Variants in PDE8B observed in about 807,000 individuals in gnomAD.
PDE8B encodes phosphodiesterase 8B.
PDE8B carries 26 observed loss-of-function variants against 101.3 expected under a neutral mutation model. That is an observed-to-expected ratio of 0.26 (90% CI 0.19 to 0.36). PDE8B has a LOEUF of 0.36. Ranked by LOEUF, PDE8B falls within the 10% of genes least tolerant of loss-of-function variation. The pLI, the probability that PDE8B is intolerant of heterozygous loss-of-function variation, is 1.00. For missense variants in PDE8B, 810 were observed against 1,163.1 expected, an observed-to-expected ratio of 0.70 and a Z score of 4.42; for synonymous variants, 424 against 429.3, an observed-to-expected ratio of 0.99 and a Z score of 0.15.
At chr5:77,228,480 C>G (rs1752898857) in intron 1 of PDE8B, among the ~76,000 whole-genome samples, 1 of 151,974 alleles carries the variant, frequency 6.6e-6, no homozygotes, top group Non-Finnish European at 1.5e-5. Flanking sequence ...AGTGGCTTCT[C>G]CAATAATGCA....
intron 10 of PDE8B, among the ~76,000 whole-genome samples, chr5:77,391,367 C>G (rs75366131): frequency 6.6e-6 from 1 of 152,118 alleles, no homozygotes; most frequent in Admixed American, 6.5e-5. Flanking sequence ...GGGTTCCTGA[C>G]GGCAGATGCT....
chr5:77,367,633 C>T (rs1475860940), intron 10 of PDE8B, among the ~76,000 whole-genome samples: 3 of 150,102 alleles, frequency 2.0e-5, no homozygotes, highest in African/African-American at 2.5e-5. Context: ...CGGGTTCAAG[C>T]GATTCTCCTG....
intron 1 of PDE8B, among the ~76,000 whole-genome samples, chr5:77,304,102 C>A (rs1474920784): frequency 1.3e-5 from 2 of 152,110 alleles, no homozygotes; most frequent in African/African-American, 4.8e-5. Flanking sequence ...ACTAGATATC[C>A]CCAAACTGTT....
intron 13 of PDE8B, 149 bp from the exon 14 acceptor site, chr5:77,408,744 T>G (rs1213481160): frequency 1.6e-5 from 11 of 706,750 alleles, no homozygotes; most frequent in Non-Finnish European, 2.8e-5. Flanking sequence ...AAAGCATGCT[T>G]CAGGAAGAAG....
chr5:77,317,027 C>G (rs1256916260), intron 2 of PDE8B, among the ~76,000 whole-genome samples: 1 of 152,126 alleles, frequency 6.6e-6, no homozygotes, highest in South Asian at 2.1e-4. Flanking sequence ...CTCAATGATT[C>G]ATGCAATAAG....
chr5:77,335,374 A>C (rs1387916218), intron 5 of PDE8B, among the ~76,000 whole-genome samples: 1 of 152,218 alleles, frequency 6.6e-6, no homozygotes, highest in African/African-American at 2.4e-5. Flanking sequence ...AATCAAACAG[A>C]AAGTATTTCC....
At chr5:77,301,707 T>A (rs1769981378) in intron 1 of PDE8B, among the ~76,000 whole-genome samples, 1 of 152,220 alleles carries the variant, frequency 6.6e-6, no homozygotes, top group South Asian at 2.1e-4. Flanking sequence ...AATTCCTGTG[T>A]TCTCCCAGTC....
chr5:77,328,904 ATGT>A, intron 3 of PDE8B, 91 bp from the exon 4 acceptor site: 1 of 922,688 alleles, frequency 1.1e-6, no homozygotes, highest in East Asian at 2.4e-5. Flanking sequence ...GAAAGATTTG[ATGT>A]TGTATCATTT....
the PDE8B span, among the ~76,000 whole-genome samples, chr5:77,192,979 G>A: frequency 6.6e-6 from 1 of 152,072 alleles, no homozygotes; most frequent in East Asian, 1.9e-4. Context: ...TTTATTTCTT[G>A]TATTATGAAG....
At chr5:77,291,848 T>C (rs1767427755) in intron 1 of PDE8B, 13 of 1,496,794 alleles carry the variant, frequency 8.7e-6, no homozygotes, top group Non-Finnish European at 1.2e-5. Context: ...GTTCGGCAGC[T>C]GTTTTTGAAG....
chr5:77,423,503 C>T (rs1392445731), intron 20 of PDE8B, among the ~76,000 whole-genome samples: 1 of 152,128 alleles, frequency 6.6e-6, no homozygotes, highest in Non-Finnish European at 1.5e-5. Context: ...GCATTCTTTT[C>T]TCCACAACCT....
chr5:77,229,811 A>ATATAC (rs1753179222), intron 1 of PDE8B, among the ~76,000 whole-genome samples: 1 of 152,134 alleles, frequency 6.6e-6, no homozygotes, highest in Non-Finnish European at 1.5e-5. Context: ...CATTGTATGG[A>ATATAC]TATACTACAT....
At chr5:77,212,892 A>G (rs1262766984) in intron 1 of PDE8B, among the ~76,000 whole-genome samples, 1 of 152,238 alleles carries the variant, frequency 6.6e-6, no homozygotes, top group Non-Finnish European at 1.5e-5. Flanking sequence ...CTGAAGCAGT[A>G]GTTCAAAATT....
chr5:77,386,491 T>G (rs551622612), intron 10 of PDE8B, among the ~76,000 whole-genome samples: 1 of 152,364 alleles, frequency 6.6e-6, no homozygotes, highest in Admixed American at 6.5e-5. Context: ...ATTAGGATAG[T>G]TAGCTCTTCC....
chr5:77,181,444 G>A, the PDE8B span, among the ~76,000 whole-genome samples: 1 of 152,166 alleles, frequency 6.6e-6, no homozygotes, highest in African/African-American at 2.4e-5. Context: ...TGCTCCTAAG[G>A]ACTGTTGGGA....
intron 10 of PDE8B, among the ~76,000 whole-genome samples, chr5:77,356,014 G>C (rs1347897897): frequency 6.6e-6 from 1 of 152,216 alleles, no homozygotes; most frequent in Non-Finnish European, 1.5e-5. Context: ...AGGCCATGTG[G>C]CCTGCAGAGC....
the PDE8B span, among the ~76,000 whole-genome samples, chr5:77,204,401 A>C: frequency 7.1e-6 from 1 of 140,696 alleles, no homozygotes; most frequent in Admixed American, 7.1e-5. Context: ...ACAGAATGAG[A>C]CTCTGTCTCA....
chr5:77,178,649 A>G, the PDE8B span, among the ~76,000 whole-genome samples: 1 of 152,164 alleles, frequency 6.6e-6, no homozygotes, highest in Admixed American at 6.5e-5. Context: ...ACAATAACAC[A>G]TATTTATTAT....
intron 14 of PDE8B, 148 bp from the exon 15 acceptor site, chr5:77,411,528 G>A (rs1014027293): frequency 1.4e-6 from 1 of 692,180 alleles, no homozygotes; most frequent in African/African-American, 1.8e-5. Flanking sequence ...TATAACTGTT[G>A]TGATTTAATT....
Sources: gnomAD v4.1 joint callset for allele counts (sites outside exome capture counted in the v4.1 genomes callset) on GRCh38, gnomAD v4.1.1 for gene constraint, MANE v1.5 for transcripts, NCBI Gene and HGNC (gene_info 2026-07-23, HGNC 2026-07-21) for gene names.